The following TMPRSS9 variants were observed in gnomAD, a reference collection of about 807,000 sequenced individuals.
TMPRSS9 encodes transmembrane protease serine 9.
TMPRSS9 carries 113 observed loss-of-function variants against 111.4 expected under a neutral mutation model. The observed-to-expected ratio is 1.01, with a 90% confidence interval of 0.87 to 1.19. The LOEUF (loss-of-function observed/expected upper bound fraction) is 1.19. Among genes scored for constraint, TMPRSS9 ranks in the 50% most tolerant of loss-of-function variants. TMPRSS9 has a pLI of 0.00. For synonymous variants in TMPRSS9, 805 were observed against 659.1 expected, an observed-to-expected ratio of 1.22 and a Z score of -3.39; for missense variants, 1,803 against 1,513.1, an observed-to-expected ratio of 1.19 and a Z score of -3.18.
chr19:2,381,168 C>A lies in TMPRSS9; in HGVS notation c.-25-8593C>A, dbSNP rs1219499239. On this transcript the variant is annotated intron_variant, in intron 1 of 17. Transcript: ENST00000649857. ...TTCGACGCAGCCAGGCCTGGCCCAT[C>A]GTAAAGGTTGGCTGGATGGAGAGAG... Among the ~76,000 whole-genome samples the A allele has an allele frequency of 2.0e-5, 3 of 151,908 alleles. No individual in the cohort carries two copies. In the South Asian group the frequency reaches 6.2e-4, roughly 31 times the overall value.
chr19:2,425,872 G>A (rs926721577), intron 17 of TMPRSS9, 55 bp from the exon 19 acceptor site: 5 of 1,528,700 alleles, frequency 3.3e-6, no homozygotes, highest in Non-Finnish European at 4.4e-6. Flanking sequence ...ATGACCCAAG[G>A]GCTGCTGTAG....
At chr19:2,411,602 C>T (rs952165415) in intron 9 of TMPRSS9, among the ~76,000 whole-genome samples, 4 of 151,974 alleles carry the variant, frequency 2.6e-5, no homozygotes, top group South Asian at 4.1e-4. Context: ...CTCGCTCTGT[C>T]ACCCAGGCTG....
At chr19:2,376,748 T>C (rs73919638) in intron 1 of TMPRSS9, among the ~76,000 whole-genome samples, 15,637 of 152,030 alleles carry the variant, frequency 0.1, 1,531 homozygotes, top group African/African-American at 0.26. Context: ...TGAGTCGCTG[T>C]GTCCAGCCCC....
intron 1 of TMPRSS9, among the ~76,000 whole-genome samples, chr19:2,394,777 A>G (rs1351938780): frequency 7.5e-6 from 1 of 132,684 alleles, no homozygotes; most frequent in Non-Finnish European, 1.6e-5. Context: ...AAATGTTGTA[A>G]TTACGGCCAT....
chr19:2,411,943 T>C (rs956143135), intron 9 of TMPRSS9, among the ~76,000 whole-genome samples: 19 of 152,216 alleles, frequency 1.2e-4, no homozygotes, highest in African/African-American at 4.3e-4. Context: ...GTTTCGTGGA[T>C]ACCATTTCTT....
chr19:2,368,774 G>GTTTGTTTTTT (rs1970265977), intron 1 of TMPRSS9, among the ~76,000 whole-genome samples: 9 of 70,366 alleles, frequency 1.3e-4, no homozygotes, highest in African/African-American at 5.4e-4. Flanking sequence ...GATAAACCCA[G>GTTTGTTTTTT]TTTTTTTTTT....
Position 2,368,143 on chromosome 19 carries a change from C to T in TMPRSS9, c.-26+7783C>T, listed in dbSNP as rs550083666. 3.3e-5 allele frequency among the ~76,000 whole-genome samples: 5 copies of T among 152,250 alleles called. No individual in the cohort carries two copies. The South Asian group carries it at 1.0e-3, about 32-fold the overall frequency. ...GAGAGGCAGAGGGAAATAACTTGCT[C>T]TTTCAGGAGGCATTAGGCTACGGAA... On this transcript the variant is annotated intron_variant, in intron 1 of 17. Coordinates refer to the TMPRSS9 transcript ENST00000649857.
chr19:2,377,485 C>CCTCTCT (rs1409225995), intron 1 of TMPRSS9, among the ~76,000 whole-genome samples: 523 of 42,270 alleles, frequency 0.012, 21 homozygotes, highest in African/African-American at 0.016. Context: ...TCTCCTCTCT[C>CCTCTCT]CCCCCCACCC....
intron 1 of TMPRSS9, among the ~76,000 whole-genome samples, chr19:2,377,261 G>GTATGTATGTATGTATGTATGTATA (rs1568169867): frequency 5.4e-5 from 6 of 111,980 alleles, no homozygotes; most frequent in African/African-American, 2.0e-4. Flanking sequence ...ATGTATGTAT[G>GTATGTATGTATGTATGTATGTATA]TATGTATGTA....
At position 2,403,105 on chromosome 19, in the gene TMPRSS9, T is replaced by G. The variant is rs1469027814; in HGVS notation, c.580T>G (p.Ser194Ala). 1 of 1,611,786 alleles carries G rather than the reference T, an allele frequency of 6.2e-7. No homozygotes were observed. The highest frequency in any genetic ancestry group is 1.1e-5 in the South Asian group (1 of 90,146). The change falls in exon 6 of 18, where the codon TCC becomes GCC. Residue 194 changes from serine to alanine, a missense_variant. Physicochemically the swap from Ser to Ala is moderately conservative, Grantham distance 99. Transcript: ENST00000648592. ...AGGCCGCTGTCCAGGGAACTCCTTT[T>G]CCTGCGGGAACAGCCAGTGTGTGAC...
intron 10 of TMPRSS9, 135 bp from the exon 12 acceptor site, chr19:2,415,535 G>T: frequency 1.2e-6 from 1 of 844,070 alleles, no homozygotes; most frequent in South Asian, 2.4e-5. Flanking sequence ...AGCCTCCACG[G>T]CTTCTTGTGT....
At position 2,421,872 on chromosome 19, in the gene TMPRSS9, CT is replaced by C. The variant is rs1971468632; in HGVS notation, c.2174del (p.Leu725ArgfsTer16). 2 of 1,607,494 alleles carry C rather than the reference CT, an allele frequency of 1.2e-6. No homozygotes were observed. The highest frequency in any genetic ancestry group is 8.5e-7 in the Non-Finnish European group (1 of 1,176,676). ...TTTCTAGGGTGACTCTGGGGGCCCC[CT>C]GGCCTGCGAGGAGGCCCCTGGCGTG... is the stretch of plus-strand genomic sequence containing the variant. On this transcript the variant is annotated frameshift_variant, in exon 14 of 18. Coordinates refer to ENST00000648592, the Ensembl canonical transcript of TMPRSS9. LOFTEE classifies it high-confidence loss of function.
intron 1 of TMPRSS9, among the ~76,000 whole-genome samples, chr19:2,382,462 G>A (rs1201036870): frequency 6.6e-6 from 1 of 152,146 alleles, no homozygotes. Context: ...GTCGGAGAAT[G>A]TCCTACATTT....
intron 9 of TMPRSS9, among the ~76,000 whole-genome samples, chr19:2,412,401 C>T (rs1019264698): frequency 6.6e-6 from 1 of 152,120 alleles, no homozygotes; most frequent in African/African-American, 2.4e-5. Context: ...GAGACGCCGT[C>T]TCAAACAAAA....
intron 1 of TMPRSS9, among the ~76,000 whole-genome samples, chr19:2,363,577 G>A (rs564587734): frequency 2.6e-5 from 4 of 151,828 alleles, no homozygotes; most frequent in Admixed American, 2.6e-4. Context: ...GCATCTGTGC[G>A]TGCAACTGTG....
exon 1 of TMPRSS9, chr19:2,389,822 A>G (rs1970547641): frequency 1.2e-6 from 2 of 1,613,942 alleles, no homozygotes; most frequent in Non-Finnish European, 1.7e-6. Flanking sequence ...CCTCGTGCCC[A>G]GGACAACCAA....
intron 4 of TMPRSS9, 66 bp from the exon 6 acceptor site, chr19:2,401,909 A>G (rs375982200): frequency 2.3e-5 from 33 of 1,456,196 alleles, no homozygotes; most frequent in Admixed American, 3.8e-5. Flanking sequence ...CGCCCGGCCA[A>G]TAGGATGTGT....
chr19:2,376,219 G>GCAGCA (rs1970332863), intron 1 of TMPRSS9, among the ~76,000 whole-genome samples: 1 of 152,034 alleles, frequency 6.6e-6, no homozygotes, highest in Non-Finnish European at 1.5e-5. Flanking sequence ...CAGCCACAGC[G>GCAGCA]CAGCACAGCC....
Position 2,405,450 on chromosome 19 carries a change from G to A in TMPRSS9, c.747G>A (p.Pro249=), listed in dbSNP as rs149559028. ...TGGAAGCATCCCCGGGGGAGTTTCC[G>A]TGGCAAGCCAGCCTTCGAGAGAACA... Residue 249 remains proline (P), a synonymous_variant, in exon 7 of 18, where the codon CCG becomes CCA. Coordinates refer to ENST00000648592, the Ensembl canonical transcript of TMPRSS9. 565 of 1,607,856 alleles carry A rather than the reference G, an allele frequency of 3.5e-4. No individual in the cohort carries two copies. Among genetic ancestry groups the A allele is most frequent in the Non-Finnish European group, 4.3e-4 (507 of 1,178,082 alleles).
Sources: allele counts gnomAD v4.1 joint callset (sites outside exome capture counted in the v4.1 genomes callset), GRCh38; gene constraint gnomAD v4.1.1; transcripts MANE v1.5; gene names NCBI Gene and HGNC (gene_info 2026-07-23, HGNC 2026-07-21).